NUP205: variants seen among roughly 807,000 people sequenced by gnomAD.
The protein encoded by NUP205 is nucleoporin 205, also known as nuclear pore complex protein Nup205.
A neutral mutation model predicts 253.8 loss-of-function variants in NUP205; 76 were observed. That is an observed-to-expected ratio of 0.30 (90% CI 0.25 to 0.36). The LOEUF (loss-of-function observed/expected upper bound fraction) is 0.36, where lower values mean the gene tolerates loss of function less well. Ranked by LOEUF, NUP205 falls within the 10% of genes least tolerant of loss-of-function variation. The pLI is 1.00. For missense variants in NUP205, 2,162 were observed against 2,425.5 expected, an observed-to-expected ratio of 0.89 and a Z score of 2.28; for synonymous variants, 832 against 850.1, an observed-to-expected ratio of 0.98 and a Z score of 0.37.
At chr7:135,579,036 T>C in intron 7 of NUP205, 121 bp downstream of exon 7, 7 of 692,704 alleles carry the variant, frequency 1.0e-5, no homozygotes, top group Non-Finnish European at 1.6e-5. Context: ...TCCAGAGTTG[T>C]ATTAAATGAA....
intron 39 of NUP205, 79 bp downstream of exon 39, chr7:135,643,437 A>G: frequency 9.4e-7 from 1 of 1,064,962 alleles, no homozygotes; most frequent in Admixed American, 2.3e-5. Flanking sequence ...CTGAGTAAAG[A>G]CAACGTATAC....
At chr7:135,617,794 AAATT>A in intron 27 of NUP205, 112 bp downstream of exon 27, 1 of 543,664 alleles carries the variant, frequency 1.8e-6, no homozygotes, top group Non-Finnish European at 3.3e-6. Context: ...AGCTGCCTAA[AAATT>A]AAACATTTAG....
chr7:135,641,691 G>T (rs1321603384), intron 38 of NUP205, among the ~76,000 whole-genome samples: 2 of 151,822 alleles, frequency 1.3e-5, no homozygotes, highest in African/African-American at 4.8e-5. Context: ...AGGATCACCT[G>T]AGCCCAGGAG....
intron 13 of NUP205, among the ~76,000 whole-genome samples, chr7:135,596,070 G>A (rs1376475524): frequency 6.6e-6 from 1 of 152,120 alleles, no homozygotes; most frequent in Non-Finnish European, 1.5e-5. Context: ...AAGTAGCTGG[G>A]ATTACAGGCA....
Position 135,573,718 on chromosome 7 carries a change from G to C in NUP205, c.236G>C (p.Gly79Ala). 1 of 1,613,990 alleles carries C rather than the reference G, an allele frequency of 6.2e-7. No homozygotes were observed. Among genetic ancestry groups the C allele is most frequent in the Non-Finnish European group, 8.5e-7 (1 of 1,179,920 alleles). The change falls in exon 3 of 43, where the codon GGT becomes GCT. Residue 79 changes from glycine to alanine, a missense_variant. Gly to Ala is a moderately conservative substitution (Grantham distance 60). Around this residue, in one of 5 missense-constraint regions of NUP205, gnomAD observed 109 missense variants for 131.8 expected, o/e 0.83. Coordinates refer to ENST00000285968, the MANE Select transcript of NUP205 (RefSeq NM_015135.3). ...AGTACAGAGGGAGTCGCCATTCAGG[G>C]TCAACAGGGAACTCGACTTCTTCCT... is the stretch of plus-strand genomic sequence containing the variant. ...KASTEGVAIQ[G>A]QQGTRLLPEQ...
chr7:135,597,575 CT>C (rs763902684), intron 14 of NUP205, among the ~76,000 whole-genome samples, 157 bp downstream of exon 14: 28 of 152,172 alleles, frequency 1.8e-4, no homozygotes, highest in Middle Eastern at 6.8e-3. Context: ...AGAGATGAAA[CT>C]TTTAATAAAA....
rs760076217 is a variant in NUP205 at position 135,615,993 on chromosome 7, A to C, written c.3388A>C (p.Asn1130His). ...AATAGAGCTAAGGGTAACCTCTCTG[A>C]ATCGTCAGCGGTCACATACCCAGAG... ...ASIELRVTSL[N>H]RQRSHTQRLL... Residue 1130 changes from asparagine (N) to histidine (H), a missense_variant, in exon 24 of 43, where the codon AAT (asparagine) becomes CAT (histidine). Asn to His is a moderately conservative substitution (Grantham distance 68). Around this residue, in one of 5 missense-constraint regions of NUP205, gnomAD observed 1,144 missense variants for 1,280.9 expected, o/e 0.89. Coordinates refer to ENST00000285968, the MANE Select transcript of NUP205 (RefSeq NM_015135.3). 5.6e-6 allele frequency: 9 copies of C among 1,613,684 alleles called. No individual in the cohort carries two copies. In the East Asian group the frequency reaches 2.0e-4, roughly 36 times the overall value.
At chr7:135,563,300 G>T (rs143042331) in intron 1 of NUP205, among the ~76,000 whole-genome samples, 1 of 152,214 alleles carries the variant, frequency 6.6e-6, no homozygotes, top group East Asian at 1.9e-4. Context: ...CGATTCTCCT[G>T]CCTCAGCCTC....
chr7:135,591,378 T>G, intron 10 of NUP205, 72 bp from the exon 11 acceptor site: 3 of 1,320,744 alleles, frequency 2.3e-6, no homozygotes, highest in Non-Finnish European at 3.3e-6. Flanking sequence ...TATGTAGTCT[T>G]TATTAGCTAG....
chr7:135,560,375 A>T (rs932293259), intron 1 of NUP205, among the ~76,000 whole-genome samples: 2 of 152,222 alleles, frequency 1.3e-5, no homozygotes, highest in Non-Finnish European at 1.5e-5. Flanking sequence ...AGGAGTTGCC[A>T]ACAGCAGCAA....
At chr7:135,617,501 T>C (rs1019522529) in intron 26 of NUP205, 101 bp from the exon 27 acceptor site, 2 of 856,110 alleles carry the variant, frequency 2.3e-6, no homozygotes, top group South Asian at 1.6e-5. Flanking sequence ...TAAAGGTATC[T>C]GACACCTTTC....
At chr7:135,587,444 A>G in intron 8 of NUP205, 131 bp from the exon 9 acceptor site, 1 of 437,838 alleles carries the variant, frequency 2.3e-6, no homozygotes, top group Non-Finnish European at 4.1e-6. Context: ...TCTTCATGTC[A>G]CCTAAAGTGG....
At chr7:135,631,111 C>T (rs908235871) in intron 35 of NUP205, among the ~76,000 whole-genome samples, 1 of 152,028 alleles carries the variant, frequency 6.6e-6, no homozygotes, top group Admixed American at 6.5e-5. Context: ...AAGAAAGCAA[C>T]AGAGACATAC....
chr7:135,595,953 A>G (rs759900675), intron 13 of NUP205, among the ~76,000 whole-genome samples: 1 of 151,790 alleles, frequency 6.6e-6, no homozygotes, highest in Non-Finnish European at 1.5e-5. Flanking sequence ...TTTTTTTTTA[A>G]GATGAAGTTT....
intron 36 of NUP205, among the ~76,000 whole-genome samples, chr7:135,637,334 G>T (rs149026961): frequency 6.6e-6 from 1 of 152,154 alleles, no homozygotes; most frequent in East Asian, 1.9e-4. Flanking sequence ...CTAACCTCTG[G>T]ATATACTGCC....
chr7:135,558,004 C>A (rs749012065), intron 1 of NUP205, 32 bp downstream of exon 1: 3 of 1,591,574 alleles, frequency 1.9e-6, no homozygotes, highest in Non-Finnish European at 2.6e-6. Flanking sequence ...GACGATTGAG[C>A]TGAGCGATAA....
intron 2 of NUP205, among the ~76,000 whole-genome samples, chr7:135,571,497 C>G (rs866437840): frequency 6.6e-6 from 1 of 151,310 alleles, no homozygotes. Context: ...GCCTCAGCTT[C>G]CCAAAGTGCT....
rs746866114 is a variant in NUP205, at chr7:135,618,507, A to G, written c.3867A>G (p.Leu1289=). 7 of 1,614,004 alleles carry G rather than the reference A, an allele frequency of 4.3e-6. No homozygotes were observed. In the African/African-American group the frequency reaches 6.7e-5, roughly 15 times the overall value. ...KRHALESWRQ[L]VEIILTACPQ... is the part of the protein sequence containing the mutation. The stretch of plus-strand genomic sequence containing the variant: ...ATGCTCTGGAGTCGTGGAGGCAACT[A>G]GTAGAAATTATACTGACAGCTTGTC... Residue 1289 remains leucine, a synonymous_variant, in exon 28 of 43, where the codon CTA becomes CTG. Coordinates refer to ENST00000285968, the MANE Select transcript of NUP205 (RefSeq NM_015135.3).
At chr7:135,561,933 T>TTCCTTCCC (rs1171794160) in intron 1 of NUP205, among the ~76,000 whole-genome samples, 1 of 151,848 alleles carries the variant, frequency 6.6e-6, no homozygotes, top group Non-Finnish European at 1.5e-5. Context: ...CCTTCCTTCC[T>TTCCTTCCC]TCCTTCCCTC....
Sources: allele counts gnomAD v4.1 joint callset (sites outside exome capture counted in the v4.1 genomes callset), GRCh38; gene constraint gnomAD v4.1.1; regional missense constraint gnomAD v4.1.1; transcripts MANE v1.5; gene names NCBI Gene and HGNC (gene_info 2026-07-23, HGNC 2026-07-21).